The following VAV1 variants were observed in gnomAD, a reference collection of about 807,000 sequenced individuals.
VAV1 encodes the protein proto-oncogene vav.
In VAV1, 33 loss-of-function variants were observed where a neutral mutation model predicts 128.1. That is an observed-to-expected ratio of 0.26 (90% confidence interval 0.20 to 0.34). VAV1 has a LOEUF of 0.34. Ranked by LOEUF, VAV1 falls within the 10% of genes least tolerant of loss-of-function variation. The probability of loss-of-function intolerance (pLI) is 1.00; values close to 1 mark genes in which losing one functional copy is unlikely to be tolerated. For synonymous variants in VAV1, 394 were observed against 409.8 expected (o/e 0.96, Z 0.47); for missense variants, 715 against 1,093.7 (o/e 0.65, Z 4.88).
chr19:6,788,743 T>C (rs2144708969), intron 1 of VAV1, among the ~76,000 whole-genome samples: 1 of 152,292 alleles, frequency 6.6e-6, no homozygotes, highest in East Asian at 1.9e-4. Flanking sequence ...AACCGGCTGC[T>C]GTGGCCAGGA....
chr19:6,801,804 T>A (rs7251975), intron 1 of VAV1, among the ~76,000 whole-genome samples: 1 of 151,794 alleles, frequency 6.6e-6, no homozygotes, highest in Non-Finnish European at 1.5e-5. Flanking sequence ...CGAAGGAGCG[T>A]GGAAAGCCAG....
At chr19:6,784,020 G>A (rs1810510824) in intron 1 of VAV1, 1 of 397,332 alleles carries the variant, frequency 2.5e-6, no homozygotes, top group Non-Finnish European at 4.5e-6. Flanking sequence ...TTGAGAGGCC[G>A]AGACAGGAGG....
chr19:6,795,930 G>A (rs1429394770), intron 1 of VAV1, among the ~76,000 whole-genome samples: 4 of 152,082 alleles, frequency 2.6e-5, no homozygotes, highest in Non-Finnish European at 5.9e-5. Context: ...TGATCCGCCC[G>A]TCTCAGCCTC....
intron 15 of VAV1, 143 bp from the exon 16 acceptor site, chr19:6,833,041 G>A (rs1416091984): frequency 8.8e-6 from 6 of 682,222 alleles, no homozygotes; most frequent in South Asian, 8.2e-5. Context: ...TGTGGCCAAA[G>A]GGTGAAAACG....
intron 1 of VAV1, among the ~76,000 whole-genome samples, chr19:6,776,633 C>T (rs1970649311): frequency 6.6e-6 from 1 of 152,006 alleles, no homozygotes; most frequent in Non-Finnish European, 1.5e-5. Flanking sequence ...CTCATTTATC[C>T]ATCTATCAGT....
At chr19:6,805,692 CTAT>C (rs977258860) in intron 1 of VAV1, among the ~76,000 whole-genome samples, 19 of 151,634 alleles carry the variant, frequency 1.3e-4, no homozygotes, top group African/African-American at 3.9e-4. Context: ...CACTTTATTT[CTAT>C]TATTATTACA....
intron 1 of VAV1, among the ~76,000 whole-genome samples, chr19:6,790,312 A>G (rs1416040173): frequency 6.6e-6 from 1 of 152,182 alleles, no homozygotes; most frequent in African/African-American, 2.4e-5. Flanking sequence ...GGACACAGTT[A>G]ATACTTTTCT....
chr19:6,832,767 T>C (rs1034894792), intron 15 of VAV1, among the ~76,000 whole-genome samples: 10 of 151,950 alleles, frequency 6.6e-5, no homozygotes, highest in African/African-American at 2.4e-4. Flanking sequence ...CCTCTTCCAC[T>C]TTTGTCTTCT....
intron 1 of VAV1, among the ~76,000 whole-genome samples, chr19:6,801,037 G>A (rs78854136): frequency 7.0e-4 from 107 of 152,212 alleles, no homozygotes; most frequent in Middle Eastern, 3.4e-3. Flanking sequence ...TGTGCTTCCC[G>A]GCACACCCTC....
intron 13 of VAV1, 76 bp from the exon 14 acceptor site, chr19:6,829,710 T>C (rs1489954409): frequency 1.3e-6 from 2 of 1,587,426 alleles, no homozygotes; most frequent in African/African-American, 2.7e-5. Flanking sequence ...GGGACCAGGA[T>C]GTGGAGGAAC....
intron 1 of VAV1, among the ~76,000 whole-genome samples, chr19:6,791,566 A>C (rs1335200637): frequency 6.6e-6 from 1 of 152,194 alleles, no homozygotes; most frequent in African/African-American, 2.4e-5. Context: ...ACATCGCCCC[A>C]TCTCAAGATC....
chr19:6,815,883 G>T (rs1169103884), intron 1 of VAV1, among the ~76,000 whole-genome samples: 3 of 152,142 alleles, frequency 2.0e-5, no homozygotes, highest in Admixed American at 2.0e-4. Flanking sequence ...AAAGAGAAAA[G>T]GCTGTGGTCA....
At chr19:6,814,700 C>CTTTCTTTCTTTCTTTCT (rs1317123025) in intron 1 of VAV1, among the ~76,000 whole-genome samples, 1 of 129,742 alleles carries the variant, frequency 7.7e-6, no homozygotes, top group Non-Finnish European at 1.6e-5. Context: ...TTCTTTCTTT[C>CTTTCTTTCTTTCTTTCT]TTTCTTTCTT....
At chr19:6,821,526 G>C in intron 2 of VAV1, 96 bp from the exon 3 acceptor site, 1 of 1,438,538 alleles carries the variant, frequency 7.0e-7, no homozygotes, top group Non-Finnish European at 9.8e-7. Context: ...AAGAGGCATG[G>C]GATCTAGCGC....
chr19:6,839,669 A>C (rs113962174), intron 21 of VAV1, among the ~76,000 whole-genome samples: 1 of 152,136 alleles, frequency 6.6e-6, no homozygotes, highest in Non-Finnish European at 1.5e-5. Context: ...TTATGGCAAA[A>C]TATATAGAAC....
At position 6,848,329 on chromosome 19, in the gene VAV1, C is replaced by T. The variant is rs141910165; in HGVS notation, c.2129+215C>T. On this transcript the variant is annotated intron_variant, in intron 23 of 26. Transcript: ENST00000602142. ...TGATTCCTATAGAGGCTCAAAAAGG[C>T]TCTTAAAATTAATTAATTAATTTGA... Among the ~76,000 whole-genome samples, 546 of 152,248 alleles carry T rather than the reference C, an allele frequency of 3.6e-3. 1 individual carries two copies. Among genetic ancestry groups the T allele is most frequent in the African/African-American group, 0.012 (515 of 41,562 alleles).
intron 1 of VAV1, among the ~76,000 whole-genome samples, chr19:6,806,189 C>A (rs938814864): frequency 1.3e-5 from 2 of 152,148 alleles, no homozygotes; most frequent in African/African-American, 4.8e-5. Context: ...CGGGTTCAAG[C>A]AATTCTCCTG....
intron 21 of VAV1, among the ~76,000 whole-genome samples, chr19:6,838,335 A>ATC (rs1972280137): frequency 1.6e-5 from 2 of 126,744 alleles, no homozygotes; most frequent in African/African-American, 7.4e-5. Context: ...ATCTATCTAT[A>ATC]TGTCTATCTA....
At chr19:6,778,212 C>T (rs1036020689) in intron 1 of VAV1, among the ~76,000 whole-genome samples, 6 of 152,200 alleles carry the variant, frequency 3.9e-5, no homozygotes, top group Non-Finnish European at 8.8e-5. Context: ...GTTAGGATTG[C>T]AGGCGTTAAG....
Sources: gnomAD v4.1 joint callset for allele counts (sites outside exome capture counted in the v4.1 genomes callset) on GRCh38, gnomAD v4.1.1 for gene constraint, MANE v1.5 for transcripts, NCBI Gene and HGNC (gene_info 2026-07-23, HGNC 2026-07-21) for gene names.